Variants in CACNA1C observed in about 807,000 individuals in gnomAD.
The protein encoded by CACNA1C is calcium voltage-gated channel subunit alpha1 C, also known as voltage-dependent L-type calcium channel subunit alpha-1C.
A neutral mutation model predicts 229.0 loss-of-function variants in CACNA1C; 30 were observed. The ratio of observed to expected loss-of-function variants is 0.13; its 90% CI spans 0.10 to 0.18. CACNA1C has a LOEUF of 0.18. Among genes scored for constraint, CACNA1C ranks in the 10% least tolerant of loss-of-function variants. The probability of loss-of-function intolerance (pLI) is 1.00; values close to 1 mark genes in which losing one functional copy is unlikely to be tolerated. For missense variants in CACNA1C, 1,658 were observed against 2,845.0 expected, an observed-to-expected ratio of 0.58 and a Z score of 9.49; for synonymous variants, 1,114 against 1,132.5, an observed-to-expected ratio of 0.98 and a Z score of 0.33.
chr12:2,052,016 CT>C (rs1003662593), upstream of CACNA1C, among the ~76,000 whole-genome samples: 6 of 152,280 alleles, frequency 3.9e-5, no homozygotes, highest in African/African-American at 1.2e-4. Context: ...GTAGGCCCCC[CT>C]GAAAGGGATC....
At chr12:2,336,621 A>C (rs1205619916) in intron 3 of CACNA1C, among the ~76,000 whole-genome samples, 2 of 152,240 alleles carry the variant, frequency 1.3e-5, no homozygotes, top group Admixed American at 6.5e-5. Flanking sequence ...CCGTTTAAAT[A>C]GGAACCTATT....
At chr12:2,281,150 G>A (rs1257421697) in intron 3 of CACNA1C, among the ~76,000 whole-genome samples, 1 of 126,538 alleles carries the variant, frequency 7.9e-6, no homozygotes, top group Non-Finnish European at 1.5e-5. Context: ...ATCGCAGTTT[G>A]TCTTCAGTTG....
intron 3 of CACNA1C, among the ~76,000 whole-genome samples, chr12:2,400,140 T>G (rs11837034): frequency 0.2 from 30,336 of 152,150 alleles, 3,641 homozygotes; most frequent in African/African-American, 0.33. Flanking sequence ...ACCACCATGG[T>G]GTGGATAATA....
Position 2,646,269 on chromosome 12 carries a change from G to A in CACNA1C, c.3913-2206G>A, listed in dbSNP as rs1318571017. ...TAAGAAGTAAAACAGGTTTTTTTTGGTTTTGTTTTGTTTTGTTTTTGTTTT... is the reference window on the plus strand; with the variant it reads ...TAAGAAGTAAAACAGGTTTTTTTTGATTTTGTTTTGTTTTGTTTTTGTTTT... On this transcript the variant is annotated intron_variant, in intron 30 of 46. Coordinates refer to ENST00000399655, the MANE Select transcript of CACNA1C (RefSeq NM_000719.7). This position sits in a 1 kb window ranked among gnomAD's most constrained non-coding sequence, Gnocchi z 4.6. 1 of 150,754 alleles carries A rather than the reference G, an allele frequency of 6.6e-6. No individual in the cohort carries two copies. The highest frequency in any genetic ancestry group is 2.5e-5 in the African/African-American group (1 of 40,322). The allele number at this position is 150,754 out of a possible 1,614,324, so 9.3% of individuals were successfully genotyped here.
intron 3 of CACNA1C, among the ~76,000 whole-genome samples, chr12:2,367,391 A>G (rs1348426031): frequency 2.0e-5 from 3 of 152,212 alleles, no homozygotes; most frequent in Non-Finnish European, 2.9e-5. Flanking sequence ...CTCCTGCTCT[A>G]TGAAACAAAA....
At chr12:2,023,801 G>A (rs74520666) in intron 1 of CACNA1C, among the ~76,000 whole-genome samples, 1 of 152,166 alleles carries the variant, frequency 6.6e-6, no homozygotes, top group East Asian at 1.9e-4. Flanking sequence ...GATGTAACAT[G>A]GAAGAATGCA....
intron 1 of CACNA1C, among the ~76,000 whole-genome samples, chr12:2,100,904 G>A (rs917798640): frequency 6.6e-6 from 1 of 151,588 alleles, no homozygotes; most frequent in African/African-American, 2.4e-5. Context: ...AAAAATCTGA[G>A]GTAGGAGGAT....
rs113444115 is a variant in CACNA1C at position 2,380,773 on chromosome 12, T to C, written c.478-68203T>C. Among the ~76,000 whole-genome samples, 977 of 152,318 alleles carry C rather than the reference T, an allele frequency of 6.4e-3. 9 individuals are homozygous for C. Among genetic ancestry groups the C allele is most frequent in the African/African-American group, 0.022 (922 of 41,574 alleles). On this transcript the variant is annotated intron_variant, in intron 3 of 46. Transcript: ENST00000399655. ...GCCTGTGATCTCTGCATTTATTATT[T>C]GTGTAGAGATAAAGCCTTAAATAAC...
intron 1 of CACNA1C, among the ~76,000 whole-genome samples, chr12:2,074,243 T>C (rs898179660): frequency 5.3e-5 from 8 of 152,226 alleles, no homozygotes; most frequent in African/African-American, 1.9e-4. Flanking sequence ...ATCATAGACA[T>C]ATTTTTAAAG....
Position 2,493,469 on chromosome 12 carries a change from C to A in CACNA1C, c.1113+83C>A, listed in dbSNP as rs767663751. On this transcript the variant is annotated intron_variant, in intron 7 of 46. Transcript: ENST00000399655. The surrounding 1 kb of genome is among the most constrained non-coding windows in gnomAD (Gnocchi z 4.6). ...CTGACACCTCCCTTTCTCCTCCTCCCCATGGTCTTGGGGTCACATACGCAT... is the reference window on the plus strand; with the variant it reads ...CTGACACCTCCCTTTCTCCTCCTCCACATGGTCTTGGGGTCACATACGCAT... The A allele has an allele frequency of 4.6e-5, 49 of 1,062,656 alleles. 1 individual carries two copies. The highest frequency in any genetic ancestry group is 6.8e-5 in the Non-Finnish European group (47 of 690,820). The allele number at this position is 1,062,656 out of a possible 1,614,324, so 65.8% of individuals were successfully genotyped here.
At chr12:2,177,959 C>A (rs1423836558) in intron 3 of CACNA1C, among the ~76,000 whole-genome samples, 2 of 152,070 alleles carry the variant, frequency 1.3e-5, no homozygotes, top group Admixed American at 1.3e-4. Context: ...TTCTATGTAA[C>A]CCTCTGAGAT....
chr12:2,206,946 T>C (rs2154331954), intron 3 of CACNA1C, among the ~76,000 whole-genome samples: 1 of 152,376 alleles, frequency 6.6e-6, no homozygotes, highest in African/African-American at 2.4e-5. Context: ...GGAAATTATA[T>C]TTACAGCCTC....
intron 3 of CACNA1C, among the ~76,000 whole-genome samples, chr12:2,228,816 C>T (rs533397356): frequency 6.6e-6 from 1 of 152,256 alleles, no homozygotes; most frequent in East Asian, 1.9e-4. Context: ...ATCAGATATG[C>T]CCCAGGTGCC....
chr12:2,516,147 C>T (rs763760719), intron 9 of CACNA1C, among the ~76,000 whole-genome samples: 2 of 151,996 alleles, frequency 1.3e-5, no homozygotes, highest in African/African-American at 4.8e-5. Flanking sequence ...GGAATAAAGA[C>T]GTGGAGGCTG....
intron 3 of CACNA1C, among the ~76,000 whole-genome samples, chr12:2,219,380 C>T (rs2060841117): frequency 6.6e-6 from 1 of 152,194 alleles, no homozygotes; most frequent in African/African-American, 2.4e-5. Flanking sequence ...ATTCATTTAC[C>T]ATTCAGAGGA....
At position 1,971,570 on chromosome 12, in the gene CACNA1C, G is replaced by A. The variant is rs2032286780; in HGVS notation, c.139+369G>A. On this transcript the variant is annotated intron_variant, in intron 1 of 46. Coordinates refer to the CACNA1C transcript ENST00000682462. This position sits in a 1 kb window ranked among gnomAD's most constrained non-coding sequence, Gnocchi z 4.2. ...TAGGTCCACAAAGACAAGGCAGAGA[G>A]CAAGCTGATTATATTCAGTAGTGGT... 6.6e-6 allele frequency among the ~76,000 whole-genome samples: 1 copy of A among 152,176 alleles called. No homozygotes were observed. Among genetic ancestry groups the A allele is most frequent in the Non-Finnish European group, 1.5e-5 (1 of 68,034 alleles).
At position 2,186,171 on chromosome 12, in the gene CACNA1C, C is replaced by T. The variant is rs529494142; in HGVS notation, c.477+65741C>T. Among the ~76,000 whole-genome samples the T allele has an allele frequency of 1.7e-4, 26 of 152,278 alleles. No individual in the cohort carries two copies. In the Middle Eastern group the frequency reaches 0.01, roughly 60 times the overall value. The stretch of plus-strand genomic sequence containing the variant: ...AACTGCCCAGCCCAGGACCAATTAG[C>T]GTGGGATGGTTGCAATAAAGGTCTC... On this transcript the variant is annotated intron_variant, in intron 3 of 46. Transcript: ENST00000399655.
chr12:2,582,721 T>G, intron 14 of CACNA1C, 101 bp from the exon 15 acceptor site: 1 of 1,334,738 alleles, frequency 7.5e-7, no homozygotes, highest in Non-Finnish European at 1.0e-6. Flanking sequence ...GAAAGGGAAA[T>G]TTTGGACAAT....
intron 30 of CACNA1C, among the ~76,000 whole-genome samples, chr12:2,642,181 C>T (rs548758133): frequency 1.3e-3 from 201 of 152,256 alleles, no homozygotes; most frequent in Non-Finnish European, 2.0e-3. Context: ...GTGAGATTGC[C>T]GAGGTCCTGA....
Sources: gnomAD v4.1 joint callset for allele counts (sites outside exome capture counted in the v4.1 genomes callset) on GRCh38, gnomAD v4.1.1 for gene constraint, Gnocchi (gnomAD v3.1) non-coding constraint, MANE v1.5 for transcripts, NCBI Gene and HGNC (gene_info 2026-07-23, HGNC 2026-07-21) for gene names.